HSP90AA1: variants seen among roughly 807,000 people sequenced by gnomAD.
HSP90AA1 encodes the protein heat shock protein HSP 90-alpha.
In HSP90AA1, 18 loss-of-function variants were observed where a neutral mutation model predicts 73.3. The observed-to-expected ratio is 0.25, with a 90% confidence interval of 0.17 to 0.36. The LOEUF is 0.36. Among genes scored for constraint, HSP90AA1 ranks in the 10% least tolerant of loss-of-function variants. The pLI is 1.00. For missense variants in HSP90AA1, 704 were observed against 874.2 expected, an observed-to-expected ratio of 0.81 and a Z score of 2.45; for synonymous variants, 477 against 296.9, an observed-to-expected ratio of 1.61 and a Z score of -6.24.
chr14:102,120,112 C>T (rs1385998404), intron 1 of HSP90AA1, among the ~76,000 whole-genome samples: 2 of 152,124 alleles, frequency 1.3e-5, no homozygotes, highest in Non-Finnish European at 2.9e-5. Flanking sequence ...GCCTGTAATC[C>T]TAGCACTTTG....
Position 102,102,698 on chromosome 14 carries a change from T to A in HSP90AA1, c.156-613A>T, listed in dbSNP as rs145932190. 1.2e-4 allele frequency among the ~76,000 whole-genome samples: 19 copies of A among 152,344 alleles called. No homozygotes were observed. The East Asian group carries it at 3.7e-3, about 29-fold the overall frequency. On this transcript the variant is annotated intron_variant, in intron 1 of 11. Coordinates refer to the HSP90AA1 transcript ENST00000334701. ...AGTAATGTCTACTTCCTATGATTAT[T>A]CTAGAGACTAACTTTAGATAAAATA...
At chr14:102,086,757 C>T (rs1276241828) in intron 1 of HSP90AA1, among the ~76,000 whole-genome samples, 2 of 151,514 alleles carry the variant, frequency 1.3e-5, no homozygotes, top group Non-Finnish European at 3.0e-5. Flanking sequence ...CCAGCTCTGG[C>T]GCTGCTGCAG....
At chr14:102,089,397 C>G (rs1000645012), upstream of HSP90AA1, among the ~76,000 whole-genome samples, 1 of 152,150 alleles carries the variant, frequency 6.6e-6, no homozygotes. Context: ...TCCAGCTCTC[C>G]CCCCTCGGTT....
In HSP90AA1 at chr14:102,085,337, C is replaced by T. The variant is rs558931176; in HGVS notation, c.624G>A (p.Lys208=). ...LEERRIKEIV[K]KHSQFIGYPI... ...GATATCCAATAAACTGAGAATGTTT[C>T]TTCACAATCTCCTTTATTCTTCGTT... is the stretch of plus-strand genomic sequence containing the variant. The change falls in exon 4 of 11, where the codon AAG becomes AAA. Residue 208 remains lysine (K), a synonymous_variant. Transcript: ENST00000216281. 2 of 1,611,264 alleles carry T rather than the reference C, an allele frequency of 1.2e-6. No individual in the cohort carries two copies. The highest frequency in any genetic ancestry group is 2.2e-5 in the East Asian group (1 of 44,870).
At chr14:102,090,262 AC>A (rs1235037982), upstream of HSP90AA1, among the ~76,000 whole-genome samples, 1 of 151,716 alleles carries the variant, frequency 6.6e-6, no homozygotes, top group African/African-American at 2.4e-5. Flanking sequence ...TTTCTTAGGA[AC>A]CCCACCTGCC....
At chr14:102,139,615 C>T in exon 1 of HSP90AA1, 3 of 655,290 alleles carry the variant, frequency 4.6e-6, no homozygotes, top group Non-Finnish European at 7.7e-6. Flanking sequence ...GGCTGCGGAA[C>T]GGTCAACTAG....
intron 1 of HSP90AA1, among the ~76,000 whole-genome samples, chr14:102,134,130 AAC>A (rs1166014335): frequency 1.4e-5 from 2 of 144,258 alleles, no homozygotes; most frequent in Admixed American, 1.4e-4. Flanking sequence ...CAGCCTGGGC[AAC>A]AGAGTGAGAC....
intron 2 of HSP90AA1, among the ~76,000 whole-genome samples, chr14:102,100,304 C>T (rs953035688): frequency 6.6e-6 from 1 of 152,120 alleles, no homozygotes; most frequent in Non-Finnish European, 1.5e-5. Flanking sequence ...GTGTTAGGAG[C>T]GTCAGGCTCA....
intron 1 of HSP90AA1, among the ~76,000 whole-genome samples, chr14:102,123,803 G>C (rs574067794): frequency 6.6e-6 from 1 of 152,086 alleles, no homozygotes; most frequent in Non-Finnish European, 1.5e-5. Context: ...ACTAGCAACC[G>C]TGTTTTTTTT....
intron 9 of HSP90AA1, 49 bp downstream of exon 9, chr14:102,082,985 G>C: frequency 3.2e-6 from 5 of 1,578,112 alleles, no homozygotes; most frequent in Non-Finnish European, 4.4e-6. Flanking sequence ...GACTAAGCTT[G>C]AAAGCACCTT....
At chr14:102,132,931 G>C (rs2049925964) in intron 1 of HSP90AA1, among the ~76,000 whole-genome samples, 1 of 150,526 alleles carries the variant, frequency 6.6e-6, no homozygotes, top group South Asian at 2.1e-4. Flanking sequence ...CTGCACTCCA[G>C]CCTGGGCCAC....
chr14:102,087,100 G>A (rs1178271865), upstream of HSP90AA1: 6 of 984,278 alleles, frequency 6.1e-6, no homozygotes, highest in Non-Finnish European at 7.2e-6. Flanking sequence ...AGCGCGCGGC[G>A]CTTTTTCCAG....
chr14:102,081,645 T>C lies in HSP90AA1; in HGVS notation c.*67A>G, dbSNP rs1323001409. 3.7e-6 allele frequency: 3 copies of C among 810,836 alleles called. No individual in the cohort carries two copies. Among genetic ancestry groups the C allele is most frequent in the Non-Finnish European group, 6.7e-6 (3 of 447,462 alleles). The allele number at this position is 810,836 out of a possible 1,614,324, so 50.2% of individuals were successfully genotyped here. ...ATATTAACAAAAATAAAGAAAAACA[T>C]CCTTGAAAATATATTATCAGAGGAA... is the stretch of plus-strand genomic sequence containing the variant. On this transcript the variant is annotated 3_prime_UTR_variant, in exon 11 of 11. Transcript: ENST00000216281.
intron 1 of HSP90AA1, among the ~76,000 whole-genome samples, chr14:102,131,993 T>TGA (rs1298684212): frequency 6.6e-6 from 1 of 152,152 alleles, no homozygotes; most frequent in African/African-American, 2.4e-5. Flanking sequence ...TCACAACACT[T>TGA]CGTGAGGCTA....
intron 1 of HSP90AA1, among the ~76,000 whole-genome samples, chr14:102,114,123 G>A (rs954366492): frequency 1.3e-5 from 2 of 152,094 alleles, no homozygotes; most frequent in Non-Finnish European, 2.9e-5. Flanking sequence ...CCGAGTAGCT[G>A]GGACTACAGG....
At chr14:102,130,582 CTT>C (rs952822229) in intron 1 of HSP90AA1, among the ~76,000 whole-genome samples, 21 of 152,156 alleles carry the variant, frequency 1.4e-4, no homozygotes, top group African/African-American at 5.1e-4. Flanking sequence ...ATTTGTGTAA[CTT>C]TGCAGAAATG....
chr14:102,133,926 T>C (rs897597034), intron 1 of HSP90AA1, among the ~76,000 whole-genome samples: 4 of 152,050 alleles, frequency 2.6e-5, no homozygotes, highest in African/African-American at 9.6e-5. Context: ...AGAGGTGGGT[T>C]GATTGCTTGA....
upstream of HSP90AA1, among the ~76,000 whole-genome samples, chr14:102,090,645 G>A (rs962469639): frequency 2.0e-5 from 3 of 152,084 alleles, no homozygotes; most frequent in Non-Finnish European, 4.4e-5. Flanking sequence ...TAGAGAGGGG[G>A]TTTCACCGTG....
At position 102,137,908 on chromosome 14, in the gene HSP90AA1, G is replaced by A. The variant is rs532799850; in HGVS notation, c.155+1342C>T. On this transcript the variant is annotated intron_variant, in intron 1 of 11. Transcript: ENST00000334701. ...TGCACATCTGTAGTCCCAGCTACTC[G>A]GGAGGCTGAAGCAGGAGAATCGCTT... Among the ~76,000 whole-genome samples, 24 of 151,816 alleles carry A rather than the reference G, an allele frequency of 1.6e-4. No individual in the cohort carries two copies. The Middle Eastern group carries it at 0.017, about 108-fold the overall frequency.
Sources: allele counts gnomAD v4.1 joint callset (sites outside exome capture counted in the v4.1 genomes callset), GRCh38; gene constraint gnomAD v4.1.1; transcripts MANE v1.5; gene names NCBI Gene and HGNC (gene_info 2026-07-23, HGNC 2026-07-21).